ROBO2: variants seen among roughly 807,000 people sequenced by gnomAD.
ROBO2 encodes roundabout guidance receptor 2, also known as roundabout homolog 2.
Under a neutral mutation model 160.8 loss-of-function variants are expected in ROBO2, and 53 were observed. The observed-to-expected ratio is 0.33, with a 90% CI of 0.26 to 0.41. The LOEUF (loss-of-function observed/expected upper bound fraction) is 0.41. Ranked by LOEUF, ROBO2 falls within the 10% of genes least tolerant of loss-of-function variation. The pLI is 1.00. For synonymous variants in ROBO2, 664 were observed against 611.7 expected, an observed-to-expected ratio of 1.09 and a Z score of -1.26; for missense variants, 1,577 against 1,722.4, an observed-to-expected ratio of 0.92 and a Z score of 1.49.
intron 2 of ROBO2, among the ~76,000 whole-genome samples, chr3:75,945,389 A>C (rs1024128433): frequency 6.6e-6 from 1 of 152,166 alleles, no homozygotes; most frequent in African/African-American, 2.4e-5. Context: ...AGTTTGGAGT[A>C]GTAGAAGATT....
intron 2 of ROBO2, among the ~76,000 whole-genome samples, chr3:76,620,420 CA>C (rs937996593): frequency 4.6e-5 from 7 of 151,276 alleles, no homozygotes; most frequent in East Asian, 1.9e-4. Context: ...TATCGTGGAG[CA>C]AAAAAAATGG....
chr3:76,791,422 T>C (rs1162654081), intron 2 of ROBO2, among the ~76,000 whole-genome samples: 1 of 151,684 alleles, frequency 6.6e-6, no homozygotes, highest in Non-Finnish European at 1.5e-5. Flanking sequence ...CTTCTGAAAT[T>C]GGGTTTTATA....
chr3:77,020,048 C>T (rs976186711), intron 2 of ROBO2, among the ~76,000 whole-genome samples: 1 of 152,048 alleles, frequency 6.6e-6, no homozygotes, highest in African/African-American at 2.4e-5. Flanking sequence ...CAGAGCCCAA[C>T]CATTTATTCT....
intron 6 of ROBO2, among the ~76,000 whole-genome samples, chr3:77,541,080 G>T (rs2092440193): frequency 6.6e-6 from 1 of 152,032 alleles, no homozygotes; most frequent in Admixed American, 6.5e-5. Flanking sequence ...ATTCGAAATG[G>T]CAATTATAGA....
intron 2 of ROBO2, among the ~76,000 whole-genome samples, chr3:76,704,800 GCT>G (rs1306370744): frequency 6.6e-6 from 1 of 152,004 alleles, no homozygotes; most frequent in African/African-American, 2.4e-5. Flanking sequence ...GCTAAGCAGG[GCT>G]CTCTAGAAGA....
chr3:77,384,233 A>T (rs1412009130), intron 2 of ROBO2, among the ~76,000 whole-genome samples: 1 of 152,138 alleles, frequency 6.6e-6, no homozygotes, highest in East Asian at 1.9e-4. Flanking sequence ...TTTAAATCAG[A>T]TGTTTATTAC....
rs1049538701 is a variant in ROBO2, at chr3:77,305,445, A to C, written c.389-171969A>C. 1.1e-4 allele frequency among the ~76,000 whole-genome samples: 16 copies of C among 152,256 alleles called. No homozygotes were observed. In the East Asian group the frequency reaches 2.7e-3, roughly 26 times the overall value. On this transcript the variant is annotated intron_variant, in intron 2 of 25. Transcript: ENST00000461745. ...GTGCCATGCACAGCAATACATCAGC[A>C]ATCTAAGCTGACACATTTGAGGATG...
intron 2 of ROBO2, among the ~76,000 whole-genome samples, chr3:76,093,042 T>C (rs1282721505): frequency 6.6e-6 from 1 of 152,162 alleles, no homozygotes; most frequent in Admixed American, 6.5e-5. Flanking sequence ...ACGTGGTTGA[T>C]TATGTCTGTT....
At chr3:76,408,066 T>A (rs1233147516) in intron 2 of ROBO2, among the ~76,000 whole-genome samples, 1 of 152,072 alleles carries the variant, frequency 6.6e-6, no homozygotes, top group Admixed American at 6.6e-5. Flanking sequence ...TCTGATGTTA[T>A]AAAATGAATA....
intron 1 of ROBO2, among the ~76,000 whole-genome samples, chr3:75,921,766 A>AAACAAATCATT (rs1419128774): frequency 1.3e-5 from 2 of 152,178 alleles, no homozygotes; most frequent in Non-Finnish European, 2.9e-5. Flanking sequence ...TCTAGCAATA[A>AAACAAATCATT]AACAAATCAT....
At chr3:77,126,389 C>G (rs2150314691) in intron 2 of ROBO2, among the ~76,000 whole-genome samples, 1 of 152,296 alleles carries the variant, frequency 6.6e-6, no homozygotes, top group East Asian at 1.9e-4. Flanking sequence ...TTAAAATTCA[C>G]AAATCAGATT....
intron 2 of ROBO2, among the ~76,000 whole-genome samples, chr3:77,136,840 T>C (rs1000280709): frequency 4.6e-5 from 7 of 152,084 alleles, no homozygotes; most frequent in African/African-American, 9.7e-5. Context: ...TTTCACTGTG[T>C]TAGCCAGGAT....
At chr3:76,008,630 C>A (rs1246169371) in intron 2 of ROBO2, among the ~76,000 whole-genome samples, 1 of 152,130 alleles carries the variant, frequency 6.6e-6, no homozygotes, top group African/African-American at 2.4e-5. Context: ...AGAATGAATT[C>A]CTAATTTTAT....
At chr3:77,522,816 C>T (rs1174358030) in exon 6 of ROBO2, 2 of 1,609,482 alleles carry the variant, frequency 1.2e-6, no homozygotes, top group Non-Finnish European at 1.7e-6. Flanking sequence ...ATTAAAAAGA[C>T]CATGAGTACA....
chr3:77,438,809 AT>A (rs2079603808), intron 2 of ROBO2, among the ~76,000 whole-genome samples: 1 of 152,080 alleles, frequency 6.6e-6, no homozygotes, highest in African/African-American at 2.4e-5. Flanking sequence ...TTTAAAGTAT[AT>A]GCAGAAGAAG....
intron 2 of ROBO2, among the ~76,000 whole-genome samples, chr3:76,693,121 G>A (rs1289197147): frequency 1.4e-5 from 2 of 146,280 alleles, no homozygotes; most frequent in African/African-American, 5.0e-5. Context: ...ATATGTATGT[G>A]TATATACATA....
intron 2 of ROBO2, among the ~76,000 whole-genome samples, chr3:76,955,539 C>A (rs2079193761): frequency 6.6e-6 from 1 of 152,088 alleles, no homozygotes; most frequent in South Asian, 2.1e-4. Context: ...TTTATTATAG[C>A]CATCATAACA....
chr3:76,016,487 C>G (rs1304223144), intron 2 of ROBO2, among the ~76,000 whole-genome samples: 1 of 151,436 alleles, frequency 6.6e-6, no homozygotes, highest in Admixed American at 6.6e-5. Flanking sequence ...CAATGTCAGA[C>G]AGTTATTTGA....
At chr3:77,280,695 C>T (rs529616227) in intron 2 of ROBO2, among the ~76,000 whole-genome samples, 1 of 152,252 alleles carries the variant, frequency 6.6e-6, no homozygotes, top group East Asian at 1.9e-4. Flanking sequence ...ATTTTAGGTT[C>T]TTTCACTTTG....
Sources: allele counts gnomAD v4.1 joint callset (sites outside exome capture counted in the v4.1 genomes callset), GRCh38; gene constraint gnomAD v4.1.1; transcripts MANE v1.5; gene names NCBI Gene and HGNC (gene_info 2026-07-23, HGNC 2026-07-21).